TCF20: variants seen among roughly 807,000 people sequenced by gnomAD.
TCF20 encodes SPRE-binding protein.
Under a neutral mutation model 148.6 loss-of-function variants are expected in TCF20, and 3 were observed. The ratio of observed to expected loss-of-function variants is 0.02; its 90% CI spans 0.01 to 0.05. The LOEUF (loss-of-function observed/expected upper bound fraction) is 0.05. TCF20 is among the 10% of genes least tolerant of loss of function. The pLI is 1.00. For synonymous variants in TCF20, 1,049 were observed against 909.5 expected, an observed-to-expected ratio of 1.15 and a Z score of -2.76; for missense variants, 2,350 against 2,429.3, an observed-to-expected ratio of 0.97 and a Z score of 0.69.
chr22:42,283,493 G>C (rs971681941), intron 1 of TCF20, among the ~76,000 whole-genome samples: 1 of 152,116 alleles, frequency 6.6e-6, no homozygotes, highest in African/African-American at 2.4e-5. Flanking sequence ...CTGCTGCCGC[G>C]CTCCCCGAGC....
Position 42,210,380 on chromosome 22 carries a change from T to G in TCF20, c.4926A>C (p.Glu1642Asp). 6.2e-7 allele frequency: 1 copy of G among 1,614,232 alleles called. No individual in the cohort carries two copies. Among genetic ancestry groups the G allele is most frequent in the Non-Finnish European group, 8.5e-7 (1 of 1,180,046 alleles). The change falls in exon 2 of 6, where the codon GAA becomes GAC. Residue 1642 changes from glutamate (E) to aspartate (D), a missense_variant. Transcript: ENST00000677622. This position sits in a 1 kb window ranked among gnomAD's most constrained non-coding sequence, Gnocchi z 4.7. ...TGATGATTGTACAAACGGCTCCAAG[T>G]TCACACTTATTTACTACATGGATGT... ...YPYIHVVNKC[E>D]LGAVCTIINA...
chr22:42,251,583 AC>A (rs1925374480), intron 1 of TCF20, among the ~76,000 whole-genome samples: 1 of 134,836 alleles, frequency 7.4e-6, no homozygotes, highest in Admixed American at 8.8e-5. Context: ...GCTCACTGCA[AC>A]CTCCGCCTCC....
At chr22:42,251,563 C>T (rs1925372730) in intron 1 of TCF20, among the ~76,000 whole-genome samples, 1 of 119,874 alleles carries the variant, frequency 8.3e-6, no homozygotes, top group Non-Finnish European at 1.6e-5. Flanking sequence ...AGTACAGTGG[C>T]ATGATCTCAG....
At chr22:42,163,843 G>T (rs1935612184) in intron 5 of TCF20, among the ~76,000 whole-genome samples, 1 of 152,168 alleles carries the variant, frequency 6.6e-6, no homozygotes, top group African/African-American at 2.4e-5. Context: ...CAGCATCCAG[G>T]GTTTCGTCTT....
At chr22:42,247,363 C>A (rs1925005598) in intron 1 of TCF20, among the ~76,000 whole-genome samples, 1 of 150,688 alleles carries the variant, frequency 6.6e-6, no homozygotes, top group Non-Finnish European at 1.5e-5. Context: ...TGGCATGAAC[C>A]CGGGAGGCGG....
At chr22:42,164,296 G>A (rs930619409) in intron 5 of TCF20, among the ~76,000 whole-genome samples, 1 of 145,064 alleles carries the variant, frequency 6.9e-6, no homozygotes, top group Non-Finnish European at 1.5e-5. Context: ...CTCACTGCAA[G>A]CTCCACGTCC....
rs565554888 is a variant in TCF20 at position 42,243,836 on chromosome 22, G to A, written c.-37+26503C>T. On this transcript the variant is annotated intron_variant, in intron 1 of 5. Coordinates refer to ENST00000677622, the MANE Select transcript of TCF20 (RefSeq NM_001378418.1). ...CTAACATTTCTCTTAAAAAGTTAAT[G>A]TATCAGGAAAAATGAACCACAATGA... Among the ~76,000 whole-genome samples the A allele has an allele frequency of 1.2e-4, 18 of 152,226 alleles. 2 individuals are homozygous for A. The South Asian group carries it at 3.7e-3, about 32-fold the overall frequency.
chr22:42,236,983 T>C (rs760090819), intron 1 of TCF20, among the ~76,000 whole-genome samples: 2 of 152,218 alleles, frequency 1.3e-5, no homozygotes, highest in Non-Finnish European at 2.9e-5. Context: ...CTTGCCTCCA[T>C]GTTGATGGCT....
At chr22:42,194,507 C>G (rs1200451117) in intron 2 of TCF20, among the ~76,000 whole-genome samples, 1 of 152,036 alleles carries the variant, frequency 6.6e-6, no homozygotes, top group Non-Finnish European at 1.5e-5. Flanking sequence ...TTATCCCTGT[C>G]CTGATGTACC....
chr22:42,277,624 G>A (rs368580484), intron 1 of TCF20, among the ~76,000 whole-genome samples: 1 of 152,250 alleles, frequency 6.6e-6, no homozygotes, highest in Non-Finnish European at 1.5e-5. Flanking sequence ...TAAGTGAAAT[G>A]AGAAAGCTGG....
chr22:42,336,058 C>T (rs1339166686), intron 1 of TCF20, among the ~76,000 whole-genome samples: 1 of 152,208 alleles, frequency 6.6e-6, no homozygotes, highest in Non-Finnish European at 1.5e-5. Flanking sequence ...TTAGCGTGGC[C>T]TCCTCCAGTC....
Position 42,210,359 on chromosome 22 carries a change from G to A in TCF20, c.4947C>T (p.Ile1649=), listed in dbSNP as rs758801851. ...TCTGTTCTTCTTCCTCAGCATTGAT[G>A]ATTGTACAAACGGCTCCAAGTTCAC... ...NKCELGAVCT[I]INAEEEEQTK... Residue 1649 remains isoleucine, a synonymous_variant, in exon 2 of 6, where the codon ATC becomes ATT. Coordinates refer to ENST00000677622, the MANE Select transcript of TCF20 (RefSeq NM_001378418.1). The surrounding 1 kb of genome is among the most constrained non-coding windows in gnomAD (Gnocchi z 4.7). 6.2e-7 allele frequency: 1 copy of A among 1,614,218 alleles called. No homozygotes were observed. Among genetic ancestry groups the A allele is most frequent in the South Asian group, 1.1e-5 (1 of 91,088 alleles).
At position 42,210,942 on chromosome 22, in the gene TCF20, G is replaced by C. The variant is rs1569145055; in HGVS notation, c.4364C>G (p.Thr1455Ser). ...GGCACCAGGGGGTTCCTTTCCGGCAGTAACTGTTTCTGCATGTGTCTCTGT... is the reference window on the plus strand; with the variant it reads ...GGCACCAGGGGGTTCCTTTCCGGCACTAACTGTTTCTGCATGTGTCTCTGT... ...VKTETHAETVTAGKEPPGAMT... is the reference protein window; with the variant it reads ...VKTETHAETVSAGKEPPGAMT... The change falls in exon 2 of 6, where the codon ACT becomes AGT. Residue 1455 changes from threonine to serine, a missense_variant. Transcript: ENST00000677622. This position sits in a 1 kb window ranked among gnomAD's most constrained non-coding sequence, Gnocchi z 4.7. 4 of 1,614,164 alleles carry C rather than the reference G, an allele frequency of 2.5e-6. No homozygotes were observed. The highest frequency in any genetic ancestry group is 3.4e-6 in the Non-Finnish European group (4 of 1,180,032).
chr22:42,215,159 G>A lies in TCF20; in HGVS notation c.147C>T (p.Gly49=), dbSNP rs147747076. 84 of 1,614,088 alleles carry A rather than the reference G, an allele frequency of 5.2e-5. No individual in the cohort carries two copies. In the Middle Eastern group the frequency reaches 8.2e-4, roughly 16 times the overall value. The change falls in exon 2 of 6, where the codon GGC becomes GGT. Residue 49 remains glycine, a synonymous_variant. Transcript: ENST00000677622. ...CACCACCACTGCCACTGCCACTGCT[G>A]CCACTACTGCCACCTGTACCTCCAA... is the stretch of plus-strand genomic sequence containing the variant. ...QNFGGTGGSS[G]SSGSGSGGGR...
intron 1 of TCF20, among the ~76,000 whole-genome samples, chr22:42,305,464 T>A (rs1313260830): frequency 1.3e-5 from 2 of 151,978 alleles, no homozygotes; most frequent in African/African-American, 4.8e-5. Flanking sequence ...TCTGACCAAG[T>A]CTCTCCCAGT....
At chr22:42,195,883 G>A (rs1304517604) in intron 2 of TCF20, among the ~76,000 whole-genome samples, 3 of 152,106 alleles carry the variant, frequency 2.0e-5, no homozygotes, top group Non-Finnish European at 4.4e-5. Context: ...TTGCTTCTAC[G>A]TGTCTCTTAA....
chr22:42,193,749 T>C (rs538563216), intron 2 of TCF20, among the ~76,000 whole-genome samples: 5 of 152,140 alleles, frequency 3.3e-5, no homozygotes, highest in Admixed American at 6.5e-5. Context: ...AGTGATGTTA[T>C]AGTTTCCCAA....
In TCF20 at chr22:42,160,602, T is replaced by TC. The variant is rs1935378504; in HGVS notation, c.*800dup. 2 of 150,918 alleles carry TC rather than the reference T, an allele frequency of 1.3e-5. No individual in the cohort carries two copies. Among genetic ancestry groups the TC allele is most frequent in the Admixed American group, 1.3e-4 (2 of 15,112 alleles). The allele number at this position is 150,918 out of a possible 1,614,324, so 9.3% of individuals were successfully genotyped here. A position where few individuals can be genotyped will look rare whatever the true frequency, so the allele number is the denominator to read the frequency against. ...AGTGACCCAGGACACAGCTATGACC[T>TC]CAGGCATCTGCCAATTTCACCCCCA... On this transcript the variant is annotated 3_prime_UTR_variant, in exon 6 of 6. Coordinates refer to ENST00000677622, the MANE Select transcript of TCF20 (RefSeq NM_001378418.1).
In TCF20 at chr22:42,190,221, G is replaced by A. The variant is rs187894351; in HGVS notation, c.5656-10519C>T. ...TGTCTGTTATCCCAGCACTTTGGGA[G>A]GTTGAGGTGGGAGGACTGCCTGAGG... is the stretch of plus-strand genomic sequence containing the variant. On this transcript the variant is annotated intron_variant, in intron 2 of 5. Transcript: ENST00000677622. Among the ~76,000 whole-genome samples, 1,132 of 152,276 alleles carry A rather than the reference G, an allele frequency of 7.4e-3. 5 individuals carry two copies. Among genetic ancestry groups the A allele is most frequent in the Non-Finnish European group, 0.013 (887 of 68,020 alleles).
Sources: allele counts gnomAD v4.1 joint callset (sites outside exome capture counted in the v4.1 genomes callset), GRCh38; gene constraint gnomAD v4.1.1; non-coding constraint Gnocchi (gnomAD v3.1); transcripts MANE v1.5; gene names NCBI Gene and HGNC (gene_info 2026-07-23, HGNC 2026-07-21).